The following GRAP2 variants were observed in gnomAD, a reference collection of about 807,000 sequenced individuals.
GRAP2 encodes the protein GRB2 related adaptor protein 2.
A neutral mutation model predicts 43.5 loss-of-function variants in GRAP2; 31 were observed. That is an observed-to-expected ratio of 0.71 (90% CI 0.54 to 0.96). GRAP2 has a LOEUF of 0.96. Among genes scored for constraint, GRAP2 ranks in the 40% least tolerant of loss-of-function variants. GRAP2 has a pLI of 0.00. For missense variants in GRAP2, 371 were observed against 424.4 expected (o/e 0.87, Z 1.11); for synonymous variants, 156 against 164.8 (o/e 0.95, Z 0.41).
At chr22:39,934,508 G>A (rs2066787118) in intron 1 of GRAP2, among the ~76,000 whole-genome samples, 1 of 152,196 alleles carries the variant, frequency 6.6e-6, no homozygotes, top group South Asian at 2.1e-4. Flanking sequence ...AGGGTTAGGA[G>A]TACAAATCCA....
chr22:39,966,277 G>A, intron 5 of GRAP2, 119 bp downstream of exon 5: 1 of 751,170 alleles, frequency 1.3e-6, no homozygotes, highest in Admixed American at 2.6e-5. Flanking sequence ...GAAAGACAGA[G>A]CTCAGAGCTC....
At chr22:39,895,561 A>G in the GRAP2 span, among the ~76,000 whole-genome samples, 1 of 152,186 alleles carries the variant, frequency 6.6e-6, no homozygotes, top group African/African-American at 2.4e-5. Flanking sequence ...ACATTGAGGT[A>G]TAGTTTATGA....
At chr22:39,907,362 G>T (rs1423471307) in intron 1 of GRAP2, among the ~76,000 whole-genome samples, 2 of 152,148 alleles carry the variant, frequency 1.3e-5, no homozygotes, top group Admixed American at 6.5e-5. Context: ...GGAAATTCTG[G>T]TGTCCATCCA....
intron 1 of GRAP2, among the ~76,000 whole-genome samples, chr22:39,937,641 C>T (rs928014127): frequency 6.6e-6 from 1 of 152,160 alleles, no homozygotes; most frequent in African/African-American, 2.4e-5. Flanking sequence ...AGCATTGGAA[C>T]CAAGTATTCT....
chr22:39,913,426 AG>A (rs918541959), intron 1 of GRAP2, among the ~76,000 whole-genome samples: 4 of 152,198 alleles, frequency 2.6e-5, no homozygotes, highest in African/African-American at 9.7e-5. Flanking sequence ...AGTAAGATGA[AG>A]ACTCAGGAAC....
intron 1 of GRAP2, among the ~76,000 whole-genome samples, chr22:39,930,197 T>C (rs2066743286): frequency 6.6e-6 from 1 of 152,224 alleles, no homozygotes; most frequent in Non-Finnish European, 1.5e-5. Context: ...ATTTGTGACT[T>C]GCATTCTATT....
the GRAP2 span, among the ~76,000 whole-genome samples, chr22:39,895,860 A>G: frequency 6.6e-6 from 1 of 152,222 alleles, no homozygotes; most frequent in African/African-American, 2.4e-5. Flanking sequence ...ATATTTGCAT[A>G]GTCAGGGAAG....
chr22:39,969,328 A>G (rs1191880970), intron 6 of GRAP2, 83 bp from the exon 7 acceptor site: 1 of 1,451,202 alleles, frequency 6.9e-7, no homozygotes, highest in East Asian at 2.3e-5. Flanking sequence ...GGCTCTGTGG[A>G]TGGCATCTGA....
At chr22:39,934,489 T>C (rs2066786848) in intron 1 of GRAP2, among the ~76,000 whole-genome samples, 1 of 152,170 alleles carries the variant, frequency 6.6e-6, no homozygotes, top group Non-Finnish European at 1.5e-5. Flanking sequence ...AGTTGAAAGA[T>C]ATAACCAGAG....
intron 1 of GRAP2, among the ~76,000 whole-genome samples, chr22:39,910,963 C>T (rs1303901980): frequency 2.0e-5 from 3 of 152,148 alleles, no homozygotes; most frequent in African/African-American, 4.8e-5. Flanking sequence ...TCCATAAATT[C>T]TCTGCAACCG....
chr22:39,968,916 T>C (rs1651764928), intron 6 of GRAP2, among the ~76,000 whole-genome samples: 1 of 152,198 alleles, frequency 6.6e-6, no homozygotes, highest in Admixed American at 6.5e-5. Context: ...TCTCATGCCT[T>C]TGTGGCGTTT....
chr22:39,964,180 T>C, intron 4 of GRAP2: 1 of 529,352 alleles, frequency 1.9e-6, no homozygotes, highest in Non-Finnish European at 3.3e-6. Flanking sequence ...CAAAAGAGAA[T>C]GACTTGGCAA....
In GRAP2 at chr22:39,968,086, A is replaced by G; in HGVS notation, c.504A>G (p.Pro168=). 1 of 1,612,650 alleles carries G rather than the reference A, an allele frequency of 6.2e-7. No individual in the cohort carries two copies. Among genetic ancestry groups the G allele is most frequent in the African/African-American group, 1.3e-5 (1 of 75,020 alleles). ...TGGACCGGAGGTCCCAGGGAGGCCC[A>G]CACCTCAGTGGGGCTGTGGGAGAAG... ...NSLDRRSQGG[P]HLSGAVGEEI... Residue 168 remains proline, a synonymous_variant, in exon 6 of 8, where the codon CCA becomes CCG. Transcript: ENST00000344138.
At chr22:39,969,226 T>TGCCTTCAGA (rs1475788238) in intron 6 of GRAP2, 185 bp from the exon 7 acceptor site, 13 of 587,088 alleles carry the variant, frequency 2.2e-5, no homozygotes, top group Non-Finnish European at 3.6e-5. Context: ...TTGCCTTCTT[T>TGCCTTCAGA]GCCTTCAGAA....
At chr22:39,955,248 C>T (rs2067034174) in intron 2 of GRAP2, among the ~76,000 whole-genome samples, 1 of 152,084 alleles carries the variant, frequency 6.6e-6, no homozygotes, top group Non-Finnish European at 1.5e-5. Flanking sequence ...ATCCCAGCTA[C>T]TCAGGAGGCT....
At chr22:39,945,335 C>T (rs1334679077) in intron 1 of GRAP2, among the ~76,000 whole-genome samples, 5 of 152,150 alleles carry the variant, frequency 3.3e-5, no homozygotes. Flanking sequence ...TATAAATTAC[C>T]TTCGAAAGAT....
chr22:39,954,980 A>C (rs1416720040), intron 2 of GRAP2, among the ~76,000 whole-genome samples: 1 of 152,254 alleles, frequency 6.6e-6, no homozygotes, highest in Non-Finnish European at 1.5e-5. Flanking sequence ...GCATGTGAAC[A>C]CAAAGAGTTA....
upstream of GRAP2, among the ~76,000 whole-genome samples, chr22:39,898,933 T>C (rs958051676): frequency 1.3e-5 from 2 of 152,222 alleles, no homozygotes; most frequent in Non-Finnish European, 2.9e-5. Context: ...AAGAAACTTC[T>C]CCACTGTGGC....
chr22:39,952,019 GTTTTTTTTTT>G (rs397946166), intron 2 of GRAP2, among the ~76,000 whole-genome samples: 2 of 138,242 alleles, frequency 1.4e-5, no homozygotes, highest in Admixed American at 1.5e-4. Flanking sequence ...AAAGTGTGTG[GTTTTTTTTTT>G]TTTTTTTTTC....
Sources: gnomAD v4.1 joint callset for allele counts (sites outside exome capture counted in the v4.1 genomes callset) on GRCh38, gnomAD v4.1.1 for gene constraint, MANE v1.5 for transcripts, NCBI Gene and HGNC (gene_info 2026-07-23, HGNC 2026-07-21) for gene names.